SVIL: variants seen among roughly 807,000 people sequenced by gnomAD.
The protein encoded by SVIL is archvillin.
Under a neutral mutation model 240.4 loss-of-function variants are expected in SVIL, and 101 were observed. The ratio of observed to expected loss-of-function variants is 0.42; its 90% CI spans 0.36 to 0.50. SVIL has a LOEUF of 0.50. SVIL is among the 20% of genes least tolerant of loss of function. SVIL has a pLI of 0.01. For synonymous variants in SVIL, 999 were observed against 1,100.0 expected (o/e 0.91, Z 1.82); for missense variants, 2,512 against 2,818.7 (o/e 0.89, Z 2.46).
At chr10:29,703,433 A>G (rs1035948164) in intron 1 of SVIL, among the ~76,000 whole-genome samples, 1 of 152,144 alleles carries the variant, frequency 6.6e-6, no homozygotes, top group Admixed American at 6.5e-5. Flanking sequence ...TTCCACCCCA[A>G]ATGCATCACT....
chr10:29,484,669 G>T lies in SVIL; in HGVS notation c.4942C>A (p.Pro1648Thr). 1 of 1,612,544 alleles carries T rather than the reference G, an allele frequency of 6.2e-7. No homozygotes were observed. Among genetic ancestry groups the T allele is most frequent in the Non-Finnish European group, 8.5e-7 (1 of 1,179,408 alleles). Residue 1648 changes from proline to threonine, a missense_variant, in exon 27 of 38, where the codon CCG becomes ACG. Pro to Thr is a conservative substitution (Grantham distance 38). This residue lies in a region of SVIL where 797 missense variants were observed against 925.3 expected (regional missense o/e 0.86). Coordinates refer to ENST00000355867, the MANE Select transcript of SVIL (RefSeq NM_021738.3). This position sits in a 1 kb window ranked among gnomAD's most constrained non-coding sequence, Gnocchi z 4.7. Reference protein sequence around the residue: ...INPLDPGECNPLIPRKGQGRP... With the variant: ...INPLDPGECNTLIPRKGQGRP... ...CGGCAGGAGTACCTGGGGATAAGCG[G>T]ATTGCATTCTCCAGGATCCAGGGGA...
At position 29,634,463 on chromosome 10, in the gene SVIL, A is replaced by G. The variant is rs2132960914; in HGVS notation, c.-244T>C. The G allele has an allele frequency of 6.6e-6, 1 of 152,328 alleles. No homozygotes were observed. The highest frequency in any genetic ancestry group is 1.9e-4 in the East Asian group (1 of 5,192). The allele number at this position is 152,328 out of a possible 1,614,324, so 9.4% of individuals were successfully genotyped here. A position where few individuals can be genotyped will look rare whatever the true frequency, so the allele number is the denominator to read the frequency against. On this transcript the variant is annotated 5_prime_UTR_variant, in exon 1 of 38. Transcript: ENST00000355867. ...CCTCGTTCCTCTAAGTTAAAGGGGG[A>G]AAGAAAATCACACTGCAATTCCTTA...
chr10:29,638,849 G>T (rs1249367289), upstream of SVIL, among the ~76,000 whole-genome samples: 1 of 152,190 alleles, frequency 6.6e-6, no homozygotes, highest in African/African-American at 2.4e-5. Flanking sequence ...ATAATTTTCA[G>T]AAATTTCATC....
At chr10:29,671,721 C>A (rs971805850) in intron 2 of SVIL, among the ~76,000 whole-genome samples, 4 of 152,206 alleles carry the variant, frequency 2.6e-5, no homozygotes, top group African/African-American at 9.6e-5. Flanking sequence ...TGGCTCCAGA[C>A]ATATCATCTC....
intron 2 of SVIL, among the ~76,000 whole-genome samples, chr10:29,667,543 T>G (rs1959406252): frequency 6.6e-6 from 1 of 152,058 alleles, no homozygotes; most frequent in Admixed American, 6.6e-5. Context: ...GGCTACACAA[T>G]GGTATGGTCT....
intron 23 of SVIL, among the ~76,000 whole-genome samples, chr10:29,488,152 C>T (rs1335673529): frequency 2.0e-5 from 3 of 152,134 alleles, no homozygotes; most frequent in Non-Finnish European, 2.9e-5. Context: ...TCCCTTGATT[C>T]CTTCTCCAAG....
intron 9 of SVIL, 149 bp from the exon 10 acceptor site, chr10:29,531,437 C>A: frequency 1.3e-6 from 1 of 786,250 alleles, no homozygotes. Flanking sequence ...TGTGAAAACA[C>A]ACATACAGTT....
chr10:29,507,245 C>T (rs1949433112), intron 17 of SVIL, among the ~76,000 whole-genome samples: 1 of 152,136 alleles, frequency 6.6e-6, no homozygotes, highest in Non-Finnish European at 1.5e-5. Context: ...ATATCCTCCT[C>T]CTCTATGAAC....
chr10:29,575,495 TTCTA>T (rs1019791458), intron 1 of SVIL: 5 of 161,844 alleles, frequency 3.1e-5, no homozygotes, highest in African/African-American at 7.2e-5. Context: ...TTTTGCACAC[TTCTA>T]TCTGTGTGCT....
At chr10:29,568,028 C>CA (rs750834742) in intron 2 of SVIL, among the ~76,000 whole-genome samples, 10,228 of 116,012 alleles carry the variant, frequency 0.088, 787 homozygotes, top group African/African-American at 0.23. Context: ...AAAAAAAAAA[C>CA]AAAAAAAAAA....
intron 12 of SVIL, 126 bp downstream of exon 12, chr10:29,529,579 C>G: frequency 8.6e-7 from 1 of 1,169,076 alleles, no homozygotes; most frequent in Non-Finnish European, 1.1e-6. Flanking sequence ...TCCCTTAGTA[C>G]TAACTTCTCT....
At chr10:29,470,170 C>G in intron 32 of SVIL, 106 bp downstream of exon 32, 1 of 1,341,320 alleles carries the variant, frequency 7.5e-7, no homozygotes, top group Non-Finnish European at 1.1e-6. Flanking sequence ...GCTGCAGTCA[C>G]TTTCAGCACC....
chr10:29,527,084 C>CAA, intron 12 of SVIL, 28 bp from the exon 13 acceptor site: 1 of 1,584,798 alleles, frequency 6.3e-7, no homozygotes, highest in Non-Finnish European at 8.7e-7. Flanking sequence ...AAAGAGGAAA[C>CAA]ATTCATAAGG....
At chr10:29,592,474 C>T (rs16930452) in intron 1 of SVIL, among the ~76,000 whole-genome samples, 9,054 of 152,234 alleles carry the variant, frequency 0.059, 457 homozygotes, top group South Asian at 0.15. Context: ...ATTTCTGTTT[C>T]AAATTCTACC....
rs1372028061 is a variant in SVIL at position 29,471,490 on chromosome 10, C to T, written c.5530-247G>A. 4.6e-5 allele frequency among the ~76,000 whole-genome samples: 7 copies of T among 152,184 alleles called. No homozygotes were observed. In the East Asian group the frequency reaches 1.3e-3, roughly 29 times the overall value. On this transcript the variant is annotated intron_variant, in intron 30 of 37. Coordinates refer to ENST00000355867, the MANE Select transcript of SVIL (RefSeq NM_021738.3). The stretch of plus-strand genomic sequence containing the variant: ...GCCTTGCTTTATATTGATGTACAGC[C>T]TCATTTTCTTTACTTAATGTTGTTC...
At chr10:29,704,826 A>G (rs773701950) in intron 1 of SVIL, among the ~76,000 whole-genome samples, 1 of 152,124 alleles carries the variant, frequency 6.6e-6, no homozygotes, top group Non-Finnish European at 1.5e-5. Context: ...CTCCCAAACC[A>G]AAAGACATGC....
At chr10:29,590,401 G>A (rs1271412841) in intron 1 of SVIL, among the ~76,000 whole-genome samples, 13 of 152,126 alleles carry the variant, frequency 8.5e-5, no homozygotes, top group African/African-American at 2.4e-4. Context: ...CACTGTCTAC[G>A]AAGCAGAACT....
chr10:29,571,724 T>C (rs548395391), intron 1 of SVIL, among the ~76,000 whole-genome samples: 1 of 152,350 alleles, frequency 6.6e-6, no homozygotes, highest in South Asian at 2.1e-4. Context: ...GCAATGCTCA[T>C]GCAATTCCAA....
At chr10:29,687,172 A>T (rs1017111734) in intron 1 of SVIL, among the ~76,000 whole-genome samples, 2 of 152,190 alleles carry the variant, frequency 1.3e-5, no homozygotes, top group East Asian at 3.9e-4. Flanking sequence ...TTACAATCTA[A>T]GTCTAGCTCT....
Sources: allele counts gnomAD v4.1 joint callset (sites outside exome capture counted in the v4.1 genomes callset), GRCh38; gene constraint gnomAD v4.1.1; regional missense constraint gnomAD v4.1.1; non-coding constraint Gnocchi (gnomAD v3.1); transcripts MANE v1.5; gene names NCBI Gene and HGNC (gene_info 2026-07-23, HGNC 2026-07-21).